STK24: variants seen among roughly 807,000 people sequenced by gnomAD.
STK24 encodes serine/threonine kinase 24.
STK24 carries 21 observed loss-of-function variants against 55.6 expected under a neutral mutation model. The ratio of observed to expected loss-of-function variants is 0.38; its 90% CI spans 0.27 to 0.54. STK24 has a LOEUF of 0.54. Ranked by LOEUF, STK24 falls within the 20% of genes least tolerant of loss-of-function variation. The pLI, the probability that STK24 is intolerant of heterozygous loss-of-function variation, is 0.79. For synonymous variants in STK24, 200 were observed against 215.2 expected (o/e 0.93, Z 0.62); for missense variants, 383 against 538.4 (o/e 0.71, Z 2.86).
intron 1 of STK24, among the ~76,000 whole-genome samples, chr13:98,571,756 T>C (rs985471432): frequency 6.6e-6 from 1 of 151,966 alleles, no homozygotes; most frequent in African/African-American, 2.4e-5. Context: ...AGAGGAGTAA[T>C]GAGATACTAT....
chr13:98,514,709 G>C (rs1211762325), intron 2 of STK24, among the ~76,000 whole-genome samples: 1 of 152,204 alleles, frequency 6.6e-6, no homozygotes, highest in East Asian at 1.9e-4. Context: ...CCTCGCACCT[G>C]ATTTGCTTTG....
chr13:98,485,631 T>A (rs1323325864), intron 2 of STK24, among the ~76,000 whole-genome samples: 1 of 152,252 alleles, frequency 6.6e-6, no homozygotes, highest in African/African-American at 2.4e-5. Flanking sequence ...CAAAGGGCTG[T>A]TACCGCCTTT....
At chr13:98,559,004 A>T (rs1432192967) in intron 1 of STK24, among the ~76,000 whole-genome samples, 40 of 22,042 alleles carry the variant, frequency 1.8e-3, no homozygotes, top group Non-Finnish European at 4.5e-3. Context: ...GTCTCTACTA[A>T]AAAAAAAAAA....
intron 2 of STK24, among the ~76,000 whole-genome samples, chr13:98,501,763 C>A (rs907748466): frequency 9.9e-5 from 15 of 152,128 alleles, no homozygotes; most frequent in Admixed American, 2.0e-4. Context: ...ATCATCTCTA[C>A]GGTGAGATAA....
intron 2 of STK24, among the ~76,000 whole-genome samples, chr13:98,490,301 A>G (rs928157669): frequency 6.6e-6 from 1 of 152,218 alleles, no homozygotes; most frequent in African/African-American, 2.4e-5. Flanking sequence ...CCTAACCTAG[A>G]GAAAAAGAGT....
chr13:98,557,832 C>T (rs939668119), intron 1 of STK24, among the ~76,000 whole-genome samples: 1 of 152,138 alleles, frequency 6.6e-6, no homozygotes, highest in Non-Finnish European at 1.5e-5. Flanking sequence ...CCCTTAAGTC[C>T]GGCAGAATTG....
intron 2 of STK24, among the ~76,000 whole-genome samples, chr13:98,497,508 G>C (rs1566369433): frequency 1.3e-5 from 2 of 152,194 alleles, no homozygotes; most frequent in Non-Finnish European, 1.5e-5. Context: ...AGGACGCCAT[G>C]AAAGAGAGGT....
chr13:98,538,746 G>A (rs1446941253), intron 1 of STK24, among the ~76,000 whole-genome samples: 1 of 152,056 alleles, frequency 6.6e-6, no homozygotes, highest in African/African-American at 2.4e-5. Context: ...CCTCCTGGAG[G>A]GAGCTTCCAG....
intron 2 of STK24, among the ~76,000 whole-genome samples, chr13:98,510,606 T>C (rs535717352): frequency 9.8e-5 from 15 of 152,342 alleles, no homozygotes; most frequent in African/African-American, 3.4e-4. Flanking sequence ...AAAAGAGCTA[T>C]TGACACATGC....
At chr13:98,555,275 G>C (rs1897258361) in intron 1 of STK24, among the ~76,000 whole-genome samples, 1 of 151,860 alleles carries the variant, frequency 6.6e-6, no homozygotes, top group African/African-American at 2.4e-5. Context: ...CCTATTGTTG[G>C]ATAACCATGT....
chr13:98,554,449 T>TA (rs1566402559), intron 1 of STK24, among the ~76,000 whole-genome samples: 1 of 152,226 alleles, frequency 6.6e-6, no homozygotes, highest in Non-Finnish European at 1.5e-5. Flanking sequence ...CCAGGTTATC[T>TA]AAAACACTGC....
At chr13:98,564,645 T>C (rs1897519190) in intron 1 of STK24, among the ~76,000 whole-genome samples, 1 of 152,216 alleles carries the variant, frequency 6.6e-6, no homozygotes, top group African/African-American at 2.4e-5. Context: ...AAAGTTATCC[T>C]GACAAATTTG....
At position 98,461,820 on chromosome 13, in the gene STK24, T is replaced by C. The variant is rs1384189963; in HGVS notation, c.1007A>G (p.Asn336Ser). The change falls in exon 8 of 11, where the codon AAT (asparagine) becomes AGT (serine). Residue 336 changes from asparagine (N) to serine (S), a missense_variant. By Grantham distance (46) the Asn-to-Ser change is conservative (BLOSUM62 1). Transcript: ENST00000539966. ...TGGCTGAAGAGCTCCATTCTCGAGATTCTTGGGATCTTTTTCTCGGATTGT... is the reference window on the plus strand; with the variant it reads ...TGGCTGAAGAGCTCCATTCTCGAGACTCTTGGGATCTTTTTCTCGGATTGT... ...IFTIREKDPK[N>S]LENGALQPSD... 1 of 1,613,944 alleles carries C rather than the reference T, an allele frequency of 6.2e-7. No homozygotes were observed. Among genetic ancestry groups the C allele is most frequent in the Non-Finnish European group, 8.5e-7 (1 of 1,179,960 alleles).
At chr13:98,459,307 C>T (rs547788456) in intron 9 of STK24, among the ~76,000 whole-genome samples, 8 of 152,364 alleles carry the variant, frequency 5.3e-5, no homozygotes, top group East Asian at 3.9e-4. Context: ...GCAGGGCCTC[C>T]GCGTGCCCTG....
At chr13:98,568,131 G>C (rs1345380234) in intron 1 of STK24, among the ~76,000 whole-genome samples, 1 of 152,016 alleles carries the variant, frequency 6.6e-6, no homozygotes, top group Non-Finnish European at 1.5e-5. Context: ...CAAGTAGCTG[G>C]GATTACAGGC....
At chr13:98,534,290 T>A (rs901174954) in intron 1 of STK24, among the ~76,000 whole-genome samples, 3 of 152,216 alleles carry the variant, frequency 2.0e-5, no homozygotes, top group Admixed American at 6.5e-5. Flanking sequence ...GCAAAAATTC[T>A]AACAGTGAGA....
intron 1 of STK24, among the ~76,000 whole-genome samples, chr13:98,535,432 C>T (rs1308447984): frequency 8.3e-6 from 1 of 120,430 alleles, no homozygotes; most frequent in Non-Finnish European, 1.8e-5. Flanking sequence ...CACACACACA[C>T]ACACGCAATG....
intron 2 of STK24, among the ~76,000 whole-genome samples, chr13:98,518,268 AT>A (rs1896138350): frequency 6.6e-6 from 1 of 152,188 alleles, no homozygotes. Flanking sequence ...ACCTTACTGT[AT>A]TTCTACAAAA....
chr13:98,473,207 GAATC>G (rs945469602), intron 5 of STK24, among the ~76,000 whole-genome samples: 5 of 132,694 alleles, frequency 3.8e-5, no homozygotes, highest in African/African-American at 1.5e-4. Flanking sequence ...TTAAATGAAA[GAATC>G]AATATGAAAT....
Sources: gnomAD v4.1 joint callset for allele counts (sites outside exome capture counted in the v4.1 genomes callset) on GRCh38, gnomAD v4.1.1 for gene constraint, MANE v1.5 for transcripts, NCBI Gene and HGNC (gene_info 2026-07-23, HGNC 2026-07-21) for gene names.